The following ONECUT2 variants were observed in gnomAD, a reference collection of about 807,000 sequenced individuals.
ONECUT2 encodes the protein one cut homeobox 2, also known as one cut domain family member 2.
A neutral mutation model predicts 27.9 loss-of-function variants in ONECUT2; 10 were observed. The ratio of observed to expected loss-of-function variants is 0.36; its 90% CI spans 0.22 to 0.61. ONECUT2 has a LOEUF of 0.61. Ranked by LOEUF, ONECUT2 falls within the 20% of genes least tolerant of loss-of-function variation. The probability of loss-of-function intolerance (pLI) is 0.73; values close to 1 mark genes in which losing one functional copy is unlikely to be tolerated. For synonymous variants in ONECUT2, 334 were observed against 315.1 expected, an observed-to-expected ratio of 1.06 and a Z score of -0.64; for missense variants, 686 against 721.0, an observed-to-expected ratio of 0.95 and a Z score of 0.56.
intron 1 of ONECUT2, among the ~76,000 whole-genome samples, chr18:57,457,414 C>T (rs1598936680): frequency 6.6e-6 from 1 of 152,146 alleles, no homozygotes; most frequent in Non-Finnish European, 1.5e-5. Flanking sequence ...TCTATCCTGC[C>T]CTTACCCCAG....
At position 57,436,261 on chromosome 18, in the gene ONECUT2, A is replaced by G; in HGVS notation, c.545A>G (p.His182Arg). ...PHHHPHHHHH[H>R]HHQRLSGNVS... The stretch of plus-strand genomic sequence containing the variant: ...CACCATCCGCACCACCACCACCACC[A>G]CCACCACCAGCGCCTGTCCGGCAAC... Residue 182 changes from histidine to arginine, a missense_variant, in exon 1 of 2, where the codon CAC becomes CGC. His to Arg is a conservative substitution (Grantham distance 29). Transcript: ENST00000491143. The surrounding 1 kb of genome is among the most constrained non-coding windows in gnomAD (Gnocchi z 5.9). 6.2e-7 allele frequency: 1 copy of G among 1,602,746 alleles called. No individual in the cohort carries two copies. Among genetic ancestry groups the G allele is most frequent in the Non-Finnish European group, 8.5e-7 (1 of 1,178,326 alleles).
intron 1 of ONECUT2, among the ~76,000 whole-genome samples, chr18:57,463,027 C>T (rs1479648706): frequency 2.0e-5 from 3 of 152,086 alleles, no homozygotes; most frequent in East Asian, 1.9e-4. Flanking sequence ...CCACTGTGCT[C>T]GGCCTACCCT....
chr18:57,436,515 A>T lies in ONECUT2; in HGVS notation c.799A>T (p.Thr267Ser). ...CAGCCCCAACTTCGACGCGCACCACACTGCCATGCTGACCCGCGGTGAGCA... is the reference window on the plus strand; with the variant it reads ...CAGCCCCAACTTCGACGCGCACCACTCTGCCATGCTGACCCGCGGTGAGCA... ...MLSPNFDAHHTAMLTRGEQHL... is the reference protein window; with the variant it reads ...MLSPNFDAHHSAMLTRGEQHL... Residue 267 changes from threonine to serine, a missense_variant, in exon 1 of 2, where the codon ACT (threonine) becomes TCT (serine). Around this residue, in one of 4 missense-constraint regions of ONECUT2, gnomAD observed 511 missense variants for 488.1 expected, o/e 1.05. Transcript: ENST00000491143. The surrounding 1 kb of genome is among the most constrained non-coding windows in gnomAD (Gnocchi z 5.9). 1.2e-6 allele frequency: 2 copies of T among 1,612,986 alleles called. No individual in the cohort carries two copies. Among genetic ancestry groups the T allele is most frequent in the South Asian group, 1.1e-5 (1 of 91,054 alleles).
At position 57,436,507 on chromosome 18, in the gene ONECUT2, C is replaced by T. The variant is rs1378939083; in HGVS notation, c.791C>T (p.Ala264Val). ...AAAATGCTCAGCCCCAACTTCGACGCGCACCACACTGCCATGCTGACCCGC... is the reference window on the plus strand; with the variant it reads ...AAAATGCTCAGCCCCAACTTCGACGTGCACCACACTGCCATGCTGACCCGC... ...HDKMLSPNFD[A>V]HHTAMLTRGE... Residue 264 changes from alanine to valine, a missense_variant, in exon 1 of 2, where the codon GCG (alanine) becomes GTG (valine). Ala to Val is a moderately conservative substitution (Grantham distance 64). Around this residue, in one of 4 missense-constraint regions of ONECUT2, gnomAD observed 511 missense variants for 488.1 expected, o/e 1.05. Transcript: ENST00000491143. The surrounding 1 kb of genome is among the most constrained non-coding windows in gnomAD (Gnocchi z 5.9). The T allele has an allele frequency of 1.2e-6, 2 of 1,613,304 alleles. No homozygotes were observed. Among genetic ancestry groups the T allele is most frequent in the African/African-American group, 1.3e-5 (1 of 75,044 alleles).
chr18:57,469,766 G>T (rs1035514119), intron 1 of ONECUT2, among the ~76,000 whole-genome samples: 10 of 152,218 alleles, frequency 6.6e-5, no homozygotes, highest in African/African-American at 2.2e-4. Flanking sequence ...AAGGAAGGAA[G>T]AATGTTCACA....
At position 57,478,568 on chromosome 18, in the gene ONECUT2, A is replaced by AT. The variant is rs2050398433; in HGVS notation, c.*1851dup. 1.3e-5 allele frequency: 2 copies of AT among 152,672 alleles called. No homozygotes were observed. Among genetic ancestry groups the AT allele is most frequent in the South Asian group, 4.1e-4 (2 of 4,828 alleles). 9.5% of individuals were successfully genotyped at this position (152,672 alleles called of 1,614,324 possible). On this transcript the variant is annotated 3_prime_UTR_variant, in exon 2 of 2. Coordinates refer to ENST00000491143, the MANE Select transcript of ONECUT2 (RefSeq NM_004852.3). ...TGTGTTCAAACAGACCTCTTGGGAC[A>AT]TTTTTTGGAAGCAGATTTTAAAGAA...
At chr18:57,457,814 C>T (rs1367449733) in intron 1 of ONECUT2, among the ~76,000 whole-genome samples, 1 of 152,172 alleles carries the variant, frequency 6.6e-6, no homozygotes, top group African/African-American at 2.4e-5. Context: ...GAGTTCATGT[C>T]CTTTGCAGTG....
At chr18:57,471,241 G>A (rs1321368712) in intron 1 of ONECUT2, among the ~76,000 whole-genome samples, 5 of 152,170 alleles carry the variant, frequency 3.3e-5, no homozygotes, top group Non-Finnish European at 7.3e-5. Flanking sequence ...CGATGGACAG[G>A]GCCAGGGCCG....
chr18:57,481,130 A>AT lies in ONECUT2; in HGVS notation c.*4408dup, dbSNP rs1568126656. On this transcript the variant is annotated 3_prime_UTR_variant, in exon 2 of 2. Transcript: ENST00000491143. ...TATAATTATTTCATTCCAGGAAATA[A>AT]TAAAAAAAAACAGACAGAGCCAATA... The AT allele has an allele frequency of 7.9e-6, 1 of 127,160 alleles. No homozygotes were observed. The highest frequency in any genetic ancestry group is 2.5e-4 in the South Asian group (1 of 3,930). The allele number at this position is 127,160 out of a possible 1,614,324, so 7.9% of individuals were successfully genotyped here. A position where few individuals can be genotyped will look rare whatever the true frequency, so the allele number is the denominator to read the frequency against.
At chr18:57,447,246 G>A (rs974150496) in intron 1 of ONECUT2, among the ~76,000 whole-genome samples, 1 of 152,204 alleles carries the variant, frequency 6.6e-6, no homozygotes, top group African/African-American at 2.4e-5. Flanking sequence ...AGCGCCTGTG[G>A]GTGGGTTGCT....
At chr18:57,456,895 G>C (rs887535831) in intron 1 of ONECUT2, among the ~76,000 whole-genome samples, 2 of 152,160 alleles carry the variant, frequency 1.3e-5, no homozygotes. Context: ...AGGATTGCTT[G>C]AGCCTGAGTT....
intron 1 of ONECUT2, among the ~76,000 whole-genome samples, chr18:57,439,947 C>G (rs1196092830): frequency 6.6e-6 from 1 of 152,260 alleles, no homozygotes; most frequent in Non-Finnish European, 1.5e-5. Flanking sequence ...CCAGCGCCGG[C>G]AAAGCTCACC....
chr18:57,439,579 G>A (rs1204169334), intron 1 of ONECUT2, among the ~76,000 whole-genome samples: 6 of 152,236 alleles, frequency 3.9e-5, no homozygotes, highest in African/African-American at 1.4e-4. Context: ...GCTGGGACTG[G>A]TAAGTAGGTA....
At chr18:57,460,261 T>C (rs12966392) in intron 1 of ONECUT2, among the ~76,000 whole-genome samples, 8,376 of 152,260 alleles carry the variant, frequency 0.055, 323 homozygotes, top group Non-Finnish European at 0.087. Context: ...TATTCTTTAA[T>C]TTTTCTGAAG....
chr18:57,485,272 T>A lies in ONECUT2; in HGVS notation c.*8549T>A, dbSNP rs973019269. 2 of 152,234 alleles carry A rather than the reference T, an allele frequency of 1.3e-5. No individual in the cohort carries two copies. Among genetic ancestry groups the A allele is most frequent in the African/African-American group, 4.8e-5 (2 of 41,466 alleles). 9.4% of individuals were successfully genotyped at this position (152,234 alleles called of 1,614,324 possible). A position where few individuals can be genotyped will look rare whatever the true frequency, so the allele number is the denominator to read the frequency against. On this transcript the variant is annotated 3_prime_UTR_variant, in exon 2 of 2. Transcript: ENST00000491143. ...GCTCTTCAGCCTTTTCCTTTTTAGT[T>A]GTAGGTGTTTACATTTCATTTCTAA...
At chr18:57,453,827 G>A (rs2050244340) in intron 1 of ONECUT2, among the ~76,000 whole-genome samples, 1 of 152,164 alleles carries the variant, frequency 6.6e-6, no homozygotes, top group South Asian at 2.1e-4. Flanking sequence ...GTCAGAAGAT[G>A]TATTCCTGTG....
At chr18:57,460,457 G>A (rs2050284072) in intron 1 of ONECUT2, among the ~76,000 whole-genome samples, 1 of 151,740 alleles carries the variant, frequency 6.6e-6, no homozygotes, top group Non-Finnish European at 1.5e-5. Context: ...CTGTTCCATG[G>A]ATCTATTAAA....
rs745929768 is a variant in ONECUT2, at chr18:57,456,268, A to G, written c.1228+19324A>G. The stretch of plus-strand genomic sequence containing the variant: ...CCAAAAGAACTGAAAGCAGGGTCTG[A>G]AAGAGATATTTGTACACCCGTGTTC... On this transcript the variant is annotated intron_variant, in intron 1 of 1. Coordinates refer to ENST00000491143, the MANE Select transcript of ONECUT2 (RefSeq NM_004852.3). 8.5e-5 allele frequency among the ~76,000 whole-genome samples: 13 copies of G among 152,348 alleles called. No homozygotes were observed. The South Asian group carries it at 1.2e-3, about 15-fold the overall frequency.
intron 1 of ONECUT2, among the ~76,000 whole-genome samples, chr18:57,465,646 G>GT (rs2122137266): frequency 6.6e-6 from 1 of 152,054 alleles, no homozygotes; most frequent in South Asian, 2.1e-4. Flanking sequence ...ATTTTCTCTG[G>GT]TTTTCAGATG....
Sources: allele counts gnomAD v4.1 joint callset (sites outside exome capture counted in the v4.1 genomes callset), GRCh38; gene constraint gnomAD v4.1.1; regional missense constraint gnomAD v4.1.1; non-coding constraint Gnocchi (gnomAD v3.1); transcripts MANE v1.5; gene names NCBI Gene and HGNC (gene_info 2026-07-23, HGNC 2026-07-21).